The following VCF1 variants were observed in gnomAD, a reference collection of about 807,000 sequenced individuals.
The protein encoded by VCF1 is protein VCF1.
At chr17:73,227,594 TTTC>T in the VCF1 span, 3 of 990,402 alleles carry the variant, frequency 3.0e-6, no homozygotes, top group African/African-American at 5.2e-5. Context: ...TAATTAAGGT[TTTC>T]TTCTTTTTAC....
At chr17:73,229,634 G>C in the VCF1 span, 1 of 951,070 alleles carries the variant, frequency 1.1e-6, no homozygotes, top group Non-Finnish European at 1.3e-6. Flanking sequence ...GGGAGGCTGA[G>C]GCAGGCAGAT....
chr17:73,226,660 C>T, the VCF1 span, among the ~76,000 whole-genome samples: 37,515 of 152,158 alleles, frequency 0.25, 5,402 homozygotes, highest in Admixed American at 0.31. Context: ...AGTTCCAGAA[C>T]ACCCAACTCC....
At chr17:73,212,222 C>G in the VCF1 span, among the ~76,000 whole-genome samples, 5 of 151,932 alleles carry the variant, frequency 3.3e-5, no homozygotes, top group South Asian at 1.0e-3. Flanking sequence ...TCTTAAAATC[C>G]TAGTTCTATC....
At chr17:73,232,149 A>T in the VCF1 span, 22 of 1,610,362 alleles carry the variant, frequency 1.4e-5, no homozygotes, top group Non-Finnish European at 1.9e-5. Flanking sequence ...CGCTCCGCGA[A>T]GAGAGGGAAC....
At chr17:73,221,810 C>A in the VCF1 span, among the ~76,000 whole-genome samples, 1 of 151,734 alleles carries the variant, frequency 6.6e-6, no homozygotes, top group Non-Finnish European at 1.5e-5. Flanking sequence ...CCGAGGCGGG[C>A]GGATCATGAG....
the VCF1 span, among the ~76,000 whole-genome samples, chr17:73,217,414 G>C: frequency 6.0e-5 from 9 of 149,992 alleles, no homozygotes; most frequent in Non-Finnish European, 1.0e-4. Flanking sequence ...GGACTTTGGA[G>C]GCCCAGACAG....
the VCF1 span, among the ~76,000 whole-genome samples, chr17:73,217,376 G>GT: frequency 6.6e-6 from 1 of 150,690 alleles, no homozygotes; most frequent in Non-Finnish European, 1.5e-5. Context: ...AAAAAGGCCA[G>GT]GTGTGGTGGT....
the VCF1 span, among the ~76,000 whole-genome samples, chr17:73,219,019 C>CAA: frequency 1.7e-4 from 23 of 138,812 alleles, no homozygotes; most frequent in African/African-American, 5.6e-4. Flanking sequence ...GACTCCGTCT[C>CAA]AAAAAAAAAA....
the VCF1 span, chr17:73,209,832 G>A: frequency 2.6e-6 from 4 of 1,528,782 alleles, no homozygotes; most frequent in East Asian, 2.4e-5. Flanking sequence ...CTTTACTGTG[G>A]TTTCATGTAC....
At chr17:73,215,746 G>A in the VCF1 span, among the ~76,000 whole-genome samples, 1 of 152,184 alleles carries the variant, frequency 6.6e-6, no homozygotes, top group Non-Finnish European at 1.5e-5. Context: ...TATTTACTGA[G>A]CTGAATCAAG....
chr17:73,232,011 C>T, the VCF1 span: 2 of 1,457,604 alleles, frequency 1.4e-6, no homozygotes, highest in African/African-American at 1.4e-5. Flanking sequence ...CTCCGACCCC[C>T]ATTTCGCGCG....
chr17:73,231,662 T>C, the VCF1 span, among the ~76,000 whole-genome samples: 2 of 152,164 alleles, frequency 1.3e-5, no homozygotes, highest in Non-Finnish European at 2.9e-5. Context: ...AACCTTTCTT[T>C]CTGACCTTGG....
chr17:73,220,363 T>C, the VCF1 span, among the ~76,000 whole-genome samples: 1 of 152,186 alleles, frequency 6.6e-6, no homozygotes, highest in Non-Finnish European at 1.5e-5. Flanking sequence ...AGAATTCCCT[T>C]AGGATTTTAA....
the VCF1 span, chr17:73,229,334 T>G: frequency 5.1e-6 from 5 of 985,362 alleles, no homozygotes; most frequent in African/African-American, 7.0e-5. Context: ...GATTACAGCT[T>G]CATGCTCATC....
At chr17:73,220,720 T>C in the VCF1 span, among the ~76,000 whole-genome samples, 7 of 150,822 alleles carry the variant, frequency 4.6e-5, no homozygotes, top group South Asian at 4.2e-4. Context: ...GCTGGGATTA[T>C]AGACATGGCC....
At chr17:73,213,346 TA>T in the VCF1 span, among the ~76,000 whole-genome samples, 5 of 152,204 alleles carry the variant, frequency 3.3e-5, no homozygotes, top group East Asian at 9.6e-4. Flanking sequence ...TTACATCCAT[TA>T]ATATACATAT....
chr17:73,227,285 G>GAA, the VCF1 span: 3,235 of 1,266,614 alleles, frequency 2.6e-3, 34 homozygotes, highest in African/African-American at 0.038. Context: ...ATCACAAGGA[G>GAA]AAAAAAAAAA....
the VCF1 span, chr17:73,232,076 T>A: frequency 6.3e-7 from 1 of 1,594,566 alleles, no homozygotes; most frequent in African/African-American, 1.3e-5. Context: ...GGGGGTCCCT[T>A]CCCTCTCACC....
At chr17:73,219,057 G>A in the VCF1 span, among the ~76,000 whole-genome samples, 1 of 152,010 alleles carries the variant, frequency 6.6e-6, no homozygotes, top group Admixed American at 6.6e-5. Context: ...AGGTGTGGTT[G>A]TGCATTGCCT....
Sources: gnomAD v4.1 joint callset for allele counts (sites outside exome capture counted in the v4.1 genomes callset) on GRCh38, gnomAD v4.1.1 for gene constraint, MANE v1.5 for transcripts, NCBI Gene and HGNC (gene_info 2026-07-23, HGNC 2026-07-21) for gene names.